The following CUL2 variants were observed in gnomAD, a reference collection of about 807,000 sequenced individuals.
The protein encoded by CUL2 is cullin-2.
Under a neutral mutation model 110.2 loss-of-function variants are expected in CUL2, and 22 were observed. That is an observed-to-expected ratio of 0.20 (90% CI 0.14 to 0.28). CUL2 has a LOEUF of 0.28. Among genes scored for constraint, CUL2 ranks in the 10% least tolerant of loss-of-function variants. The pLI is 1.00. For synonymous variants in CUL2, 279 were observed against 293.2 expected (o/e 0.95, Z 0.49); for missense variants, 631 against 905.5 (o/e 0.70, Z 3.89).
At chr10:35,099,866 A>T (rs1432364587) in intron 2 of CUL2, among the ~76,000 whole-genome samples, 3 of 152,164 alleles carry the variant, frequency 2.0e-5, no homozygotes, top group African/African-American at 7.2e-5. Flanking sequence ...CAAAAGAAAA[A>T]AAGAAAAAAA....
At chr10:35,097,423 G>A (rs1232977558) in intron 2 of CUL2, among the ~76,000 whole-genome samples, 1 of 149,524 alleles carries the variant, frequency 6.7e-6, no homozygotes, top group African/African-American at 2.5e-5. Context: ...TCAGGAGATT[G>A]AGATTGCAGT....
At chr10:35,058,464 A>G (rs939882180) in intron 4 of CUL2, among the ~76,000 whole-genome samples, 1 of 152,188 alleles carries the variant, frequency 6.6e-6, no homozygotes, top group Non-Finnish European at 1.5e-5. Flanking sequence ...CCCATAACAC[A>G]AGGACAGGTC....
intron 1 of CUL2, among the ~76,000 whole-genome samples, chr10:35,089,613 C>T (rs2087152773): frequency 1.3e-5 from 2 of 152,114 alleles, no homozygotes; most frequent in Admixed American, 6.5e-5. Flanking sequence ...TTTGCATGCA[C>T]GTAATGGTAG....
chr10:35,073,421 A>G (rs2086732901), intron 1 of CUL2, among the ~76,000 whole-genome samples: 1 of 152,090 alleles, frequency 6.6e-6, no homozygotes. Context: ...GTATAGCCCT[A>G]CAAATGATCC....
intron 19 of CUL2, 115 bp from the exon 20 acceptor site, chr10:35,012,079 G>C: frequency 1.6e-6 from 1 of 614,230 alleles, no homozygotes; most frequent in Middle Eastern, 3.2e-4. Context: ...TTTGAGACAG[G>C]GTTTCACTCT....
chr10:35,067,017 C>G (rs1162449821), intron 2 of CUL2, among the ~76,000 whole-genome samples: 5 of 151,718 alleles, frequency 3.3e-5, no homozygotes, highest in African/African-American at 1.2e-4. Context: ...GGTGTGGTAG[C>G]GCATGCCTGT....
At chr10:35,058,371 A>G (rs889108392) in intron 4 of CUL2, among the ~76,000 whole-genome samples, 1 of 152,158 alleles carries the variant, frequency 6.6e-6, no homozygotes. Context: ...AGCCTCAGCC[A>G]TTTCCTGATG....
At chr10:35,096,727 TGA>T (rs1589059629) in intron 2 of CUL2, among the ~76,000 whole-genome samples, 2 of 151,996 alleles carry the variant, frequency 1.3e-5, no homozygotes, top group African/African-American at 2.4e-5. Flanking sequence ...AGGAGCCAAC[TGA>T]GAGACAGATG....
chr10:35,020,846 C>T (rs2085162150), intron 17 of CUL2, among the ~76,000 whole-genome samples: 1 of 152,142 alleles, frequency 6.6e-6, no homozygotes, highest in African/African-American at 2.4e-5. Context: ...TTTTCTCACT[C>T]TGTCACATCT....
At chr10:35,103,325 T>TTA (rs1554871798) in intron 1 of CUL2, among the ~76,000 whole-genome samples, 8 of 118,774 alleles carry the variant, frequency 6.7e-5, no homozygotes, top group African/African-American at 2.0e-4. Context: ...TTTTTTTTTT[T>TTA]TTTTTTTATT....
intron 1 of CUL2, among the ~76,000 whole-genome samples, chr10:35,117,650 G>A (rs2087625436): frequency 6.6e-6 from 1 of 152,030 alleles, no homozygotes; most frequent in Non-Finnish European, 1.5e-5. Flanking sequence ...ATGAATAGAA[G>A]AGTTGGGAAT....
intron 17 of CUL2, among the ~76,000 whole-genome samples, chr10:35,022,597 G>A (rs915306089): frequency 5.9e-5 from 9 of 152,236 alleles, no homozygotes; most frequent in South Asian, 4.1e-4. Flanking sequence ...TACACATAGC[G>A]TGTGAGAAAC....
intron 8 of CUL2, among the ~76,000 whole-genome samples, chr10:35,043,525 T>G (rs572486659): frequency 1.2e-3 from 178 of 152,292 alleles, no homozygotes; most frequent in Non-Finnish European, 1.9e-3. Context: ...ACTTGTGGCC[T>G]AGGGATGTAG....
chr10:35,036,331 A>G (rs563222182), intron 9 of CUL2, among the ~76,000 whole-genome samples: 4 of 152,300 alleles, frequency 2.6e-5, no homozygotes, highest in Admixed American at 2.6e-4. Flanking sequence ...ATACTGTACT[A>G]TTCTACAGTA....
At chr10:35,078,348 T>C (rs1012683243) in intron 1 of CUL2, among the ~76,000 whole-genome samples, 2 of 150,840 alleles carry the variant, frequency 1.3e-5, no homozygotes, top group African/African-American at 4.9e-5. Flanking sequence ...CAGGCTGGAG[T>C]GCAATGGCAT....
chr10:35,043,783 T>C (rs2085860444), intron 8 of CUL2, among the ~76,000 whole-genome samples: 1 of 152,192 alleles, frequency 6.6e-6, no homozygotes, highest in Admixed American at 6.5e-5. Context: ...TTAAAATTTC[T>C]TGGCTGGGTG....
At chr10:35,030,086 C>CA (rs1401876783) in intron 14 of CUL2, among the ~76,000 whole-genome samples, 8 of 152,316 alleles carry the variant, frequency 5.3e-5, no homozygotes, top group Admixed American at 2.6e-4. Context: ...CACCTGGGCT[C>CA]AAGTGATCCT....
At chr10:35,015,637 G>A (rs928066323) in intron 18 of CUL2, among the ~76,000 whole-genome samples, 1 of 151,916 alleles carries the variant, frequency 6.6e-6, no homozygotes, top group Non-Finnish European at 1.5e-5. Flanking sequence ...GCAAAATCTT[G>A]TAACTAGAAA....
chr10:35,071,530 A>G (rs1462194420), intron 1 of CUL2, among the ~76,000 whole-genome samples, 191 bp from the exon 2 acceptor site: 3 of 152,054 alleles, frequency 2.0e-5, no homozygotes, highest in Non-Finnish European at 4.4e-5. Context: ...TCAGTCTCCC[A>G]AGTAGCTGGG....
Sources: gnomAD v4.1 joint callset for allele counts (sites outside exome capture counted in the v4.1 genomes callset) on GRCh38, gnomAD v4.1.1 for gene constraint, MANE v1.5 for transcripts, NCBI Gene and HGNC (gene_info 2026-07-23, HGNC 2026-07-21) for gene names.